DNAH14: variants seen among roughly 807,000 people sequenced by gnomAD.
The protein encoded by DNAH14 is dynein axonemal heavy chain 14.
DNAH14 carries 478 observed loss-of-function variants against 520.9 expected under a neutral mutation model. The ratio of observed to expected loss-of-function variants is 0.92; its 90% CI spans 0.85 to 0.99. The LOEUF is 0.99. Among genes scored for constraint, DNAH14 ranks in the 50% least tolerant of loss-of-function variants. The pLI is 0.00. For missense variants in DNAH14, 4,831 were observed against 5,234.5 expected (o/e 0.92, Z 2.38); for synonymous variants, 1,581 against 1,757.2 (o/e 0.90, Z 2.51).
intron 60 of DNAH14, among the ~76,000 whole-genome samples, chr1:225,309,689 C>T (rs970608314): frequency 1.3e-5 from 2 of 152,022 alleles, no homozygotes; most frequent in East Asian, 3.9e-4. Flanking sequence ...GGTGAGGAAA[C>T]CATGACCATC....
chr1:225,193,941 A>G (rs1417201475), intron 38 of DNAH14, among the ~76,000 whole-genome samples: 1 of 152,094 alleles, frequency 6.6e-6, no homozygotes, highest in Non-Finnish European at 1.5e-5. Context: ...ACACAATCTC[A>G]TTCACCGTAG....
intron 66 of DNAH14, among the ~76,000 whole-genome samples, chr1:225,335,260 A>G (rs1428357176): frequency 1.5e-5 from 2 of 134,244 alleles, no homozygotes. Context: ...GTATATGCAC[A>G]TATACACGTG....
chr1:225,382,580 G>C (rs1412492412), intron 81 of DNAH14, among the ~76,000 whole-genome samples: 1 of 151,962 alleles, frequency 6.6e-6, no homozygotes, highest in South Asian at 2.1e-4. Context: ...CAGGCATGGT[G>C]GTGGGTACCT....
intron 64 of DNAH14, among the ~76,000 whole-genome samples, chr1:225,329,842 A>G (rs1413556067): frequency 1.3e-5 from 2 of 152,288 alleles, no homozygotes; most frequent in Admixed American, 1.3e-4. Flanking sequence ...AGTAAAGGAA[A>G]CACTCAACAA....
intron 9 of DNAH14, among the ~76,000 whole-genome samples, chr1:225,003,665 G>A (rs1485932280): frequency 6.6e-6 from 1 of 151,984 alleles, no homozygotes; most frequent in East Asian, 1.9e-4. Context: ...TAGTCTTTGA[G>A]TGAATAAAAG....
At chr1:225,205,898 G>T in intron 39 of DNAH14, 73 bp from the exon 40 acceptor site, 1 of 1,302,802 alleles carries the variant, frequency 7.7e-7, no homozygotes, top group South Asian at 1.4e-5. Context: ...AAGTAAAATA[G>T]AAAATTAGCA....
chr1:225,084,079 T>C (rs2073453103), intron 20 of DNAH14, among the ~76,000 whole-genome samples: 1 of 152,136 alleles, frequency 6.6e-6, no homozygotes, highest in African/African-American at 2.4e-5. Flanking sequence ...CATGAATAGA[T>C]AGTTTAAAAA....
At chr1:225,008,481 A>G (rs1241322975) in intron 10 of DNAH14, among the ~76,000 whole-genome samples, 1 of 151,640 alleles carries the variant, frequency 6.6e-6, no homozygotes, top group Non-Finnish European at 1.5e-5. Flanking sequence ...CTAGTTCTAG[A>G]TCCCTACTAT....
chr1:225,080,535 T>C lies in DNAH14; in HGVS notation c.2923T>C (p.Ser975Pro), dbSNP rs535974538. ...CAGTGATTCTCAATCTCATATGCAT[T>C]CTGTTAATGTGGAAGAAATTACACA... The part of the protein sequence containing the change: ...CFSDSQSHMH[S>P]VNVEEITQIV... The change falls in exon 19 of 86, where the codon TCT becomes CCT. Residue 975 changes from serine (S) to proline (P), a missense_variant. Ser to Pro is a moderately conservative substitution (Grantham distance 74, BLOSUM62 -1). Coordinates refer to ENST00000682510, the MANE Select transcript of DNAH14 (RefSeq NM_001367479.1). 6 of 1,551,942 alleles carry C rather than the reference T, an allele frequency of 3.9e-6. No homozygotes were observed. The Admixed American group carries it at 7.8e-5, about 20-fold the overall frequency.
chr1:224,997,139 C>G (rs1282791834), intron 8 of DNAH14, among the ~76,000 whole-genome samples: 1 of 152,108 alleles, frequency 6.6e-6, no homozygotes. Flanking sequence ...CCACCAAGAT[C>G]TGTAGGCTGG....
intron 9 of DNAH14, among the ~76,000 whole-genome samples, chr1:225,007,165 T>A (rs371106474): frequency 2.8e-4 from 43 of 152,328 alleles, no homozygotes; most frequent in African/African-American, 9.9e-4. Flanking sequence ...CATCAGCTCT[T>A]GAATTTTCTG....
At chr1:225,230,344 A>T (rs2090981128) in intron 41 of DNAH14, among the ~76,000 whole-genome samples, 1 of 152,116 alleles carries the variant, frequency 6.6e-6, no homozygotes, top group South Asian at 2.1e-4. Flanking sequence ...TTTAGGTTCA[A>T]ATTTTAAAAT....
chr1:225,376,098 A>G (rs1463897218), intron 78 of DNAH14, among the ~76,000 whole-genome samples: 2 of 147,308 alleles, frequency 1.4e-5, no homozygotes, highest in African/African-American at 2.7e-5. Flanking sequence ...AAAAAGAAGG[A>G]AAAAAAACTG....
chr1:225,002,699 TAACTA>T, intron 8 of DNAH14, 79 bp from the exon 9 acceptor site: 1 of 1,276,650 alleles, frequency 7.8e-7, no homozygotes, highest in South Asian at 1.4e-5. Context: ...ATAAGGATAT[TAACTA>T]AACCACACTA....
intron 8 of DNAH14, among the ~76,000 whole-genome samples, chr1:224,983,219 T>C: frequency 6.6e-6 from 1 of 152,226 alleles, no homozygotes; most frequent in Non-Finnish European, 1.5e-5. Flanking sequence ...TCTGTCTCTT[T>C]TAACCGCTGT....
At chr1:225,398,489 G>GA in intron 84 of DNAH14, 31 bp from the exon 85 acceptor site, 12 of 1,548,700 alleles carry the variant, frequency 7.7e-6, no homozygotes, top group Non-Finnish European at 9.6e-6. Flanking sequence ...TTCTCCTGGG[G>GA]ATCCCTGACA....
chr1:225,255,974 A>C (rs541537271), intron 44 of DNAH14, among the ~76,000 whole-genome samples: 26 of 152,316 alleles, frequency 1.7e-4, no homozygotes, highest in Middle Eastern at 3.4e-3. Context: ...AAGGGGAAAT[A>C]CTTGAAGCAT....
At chr1:225,304,806 A>G (rs1237181248) in intron 57 of DNAH14, 102 bp from the exon 58 acceptor site, 13 of 1,114,192 alleles carry the variant, frequency 1.2e-5, no homozygotes, top group Middle Eastern at 3.0e-4. Context: ...TCCACATCTC[A>G]GAAATAATAA....
intron 1 of DNAH14, among the ~76,000 whole-genome samples, chr1:224,934,344 G>T (rs2058890662): frequency 1.3e-5 from 2 of 151,594 alleles, no homozygotes. Context: ...CTTTTGAAAA[G>T]AACCAAATAA....
Sources: allele counts gnomAD v4.1 joint callset (sites outside exome capture counted in the v4.1 genomes callset), GRCh38; gene constraint gnomAD v4.1.1; transcripts MANE v1.5; gene names NCBI Gene and HGNC (gene_info 2026-07-23, HGNC 2026-07-21).